TBC1D24: variants seen among roughly 807,000 people sequenced by gnomAD.
TBC1D24 encodes TBC1 domain family member 24.
TBC1D24 carries 47 observed loss-of-function variants against 50.7 expected under a neutral mutation model. The observed-to-expected ratio is 0.93, with a 90% confidence interval of 0.73 to 1.18. The LOEUF (loss-of-function observed/expected upper bound fraction) is 1.18, where lower values mean the gene tolerates loss of function less well. TBC1D24 is among the 50% of genes most tolerant of loss of function. The probability of loss-of-function intolerance (pLI) is 0.00; values close to 1 mark genes in which losing one functional copy is unlikely to be tolerated. For synonymous variants in TBC1D24, 324 were observed against 335.2 expected (o/e 0.97, Z 0.36); for missense variants, 688 against 766.5 (o/e 0.90, Z 1.21).
chr16:2,500,164 T>A lies in TBC1D24; in HGVS notation c.1303-104T>A. ...GCCCCTGGCTCGGGCTGCACCCACC[T>A]TGGGCTCTGGGTGCAGATTCACGGG... On this transcript the variant is annotated intron_variant, in intron 6 of 7. Coordinates refer to ENST00000646147, the MANE Select transcript of TBC1D24 (RefSeq NM_001199107.2). The surrounding 1 kb of genome is among the most constrained non-coding windows in gnomAD (Gnocchi z 8.0). The A allele has an allele frequency of 8.0e-7, 1 of 1,242,394 alleles. No homozygotes were observed. The highest frequency in any genetic ancestry group is 1.2e-6 in the Non-Finnish European group (1 of 869,262). 77.0% of individuals were successfully genotyped at this position (1,242,394 alleles called of 1,614,324 possible).
intron 1 of TBC1D24, among the ~76,000 whole-genome samples, chr16:2,494,742 T>G (rs2065723462): frequency 6.6e-6 from 1 of 152,072 alleles, no homozygotes; most frequent in African/African-American, 2.4e-5. Context: ...GAACTCTATC[T>G]CTAGCCTCTC....
In TBC1D24 at chr16:2,499,913, G is replaced by A. The variant is rs1274872083; in HGVS notation, c.1285G>A (p.Glu429Lys). The change falls in exon 6 of 8, where the codon GAA (glutamate) becomes AAA (lysine). Residue 429 changes from glutamate (E) to lysine (K), a missense_variant. Physicochemically the swap from Glu to Lys is moderately conservative, Grantham distance 56 (BLOSUM62 1). Coordinates refer to ENST00000646147, the MANE Select transcript of TBC1D24 (RefSeq NM_001199107.2). The surrounding 1 kb of genome is among the most constrained non-coding windows in gnomAD (Gnocchi z 4.0). Reference protein sequence around the residue: ...GGKLGFFGTGECFVFRLQPEV... With the variant: ...GGKLGFFGTGKCFVFRLQPEV... ...CAAACTGGGCTTCTTTGGGACCGGAGAATGCTTTGTGTTTAGGGTGAGTGG... is the reference window on the plus strand; with the variant it reads ...CAAACTGGGCTTCTTTGGGACCGGAAAATGCTTTGTGTTTAGGGTGAGTGG... 6.2e-7 allele frequency: 1 copy of A among 1,614,048 alleles called. No individual in the cohort carries two copies.
Position 2,497,026 on chromosome 16 carries a change from G to C in TBC1D24, c.878G>C (p.Arg293Pro), listed in dbSNP as rs199700840. Residue 293 changes from arginine to proline, a missense_variant, in exon 2 of 8, where the codon CGC becomes CCC. Physicochemically the swap from Arg to Pro is moderately radical, Grantham distance 103. Transcript: ENST00000646147. Reference protein sequence around the residue: ...EKLLEKAFAIRLFSRKEIQLL... With the variant: ...EKLLEKAFAIPLFSRKEIQLL... Reference sequence around the variant, plus strand: ...CTGCTGGAGAAAGCGTTCGCCATCCGCCTCTTCTCCCGCAAGGAGATCCAG... The same window carrying C: ...CTGCTGGAGAAAGCGTTCGCCATCCCCCTCTTCTCCCGCAAGGAGATCCAG... 2.5e-6 allele frequency: 4 copies of C among 1,613,638 alleles called. No homozygotes were observed. In the South Asian group the frequency reaches 4.4e-5, roughly 18 times the overall value.
chr16:2,481,236 T>C (rs918104727), intron 1 of TBC1D24: 2 of 152,238 alleles, frequency 1.3e-5, no homozygotes, highest in Non-Finnish European at 2.9e-5. Context: ...GGGAAGCATG[T>C]CTTGAATGCC....
chr16:2,498,431 C>G, intron 4 of TBC1D24, 35 bp downstream of exon 4: 1 of 1,573,092 alleles, frequency 6.4e-7, no homozygotes, highest in Admixed American at 1.8e-5. Context: ...GGCGGCAGAG[C>G]CGCCCAGCCA....
Position 2,498,438 on chromosome 16 carries a change from G to T in TBC1D24, c.1142+42G>T, listed in dbSNP as rs767143269. The T allele has an allele frequency of 3.8e-6, 6 of 1,561,148 alleles. No homozygotes were observed. In the East Asian group the frequency reaches 1.2e-4, roughly 30 times the overall value. ...CCAGAGCGGGCGGCAGAGCCGCCCA[G>T]CCACGTGTCCTGCCCACAGAGGCTG... On this transcript the variant is annotated intron_variant, in intron 4 of 7. Coordinates refer to ENST00000646147, the MANE Select transcript of TBC1D24 (RefSeq NM_001199107.2).
intron 1 of TBC1D24, among the ~76,000 whole-genome samples, chr16:2,493,307 T>A (rs2065711666): frequency 1.3e-5 from 2 of 151,648 alleles, no homozygotes; most frequent in African/African-American, 4.8e-5. Context: ...CCCGGCTAGT[T>A]TTTTTGTATT....
intron 1 of TBC1D24, among the ~76,000 whole-genome samples, chr16:2,490,854 T>G (rs577173262): frequency 6.6e-6 from 1 of 152,304 alleles, no homozygotes; most frequent in East Asian, 1.9e-4. Flanking sequence ...GGCCACCGCC[T>G]CCGGCTCTGC....
intron 1 of TBC1D24, chr16:2,479,750 G>A (rs978257192): frequency 2.6e-5 from 4 of 152,290 alleles, no homozygotes; most frequent in Non-Finnish European, 4.4e-5. Context: ...CATGGCCTCC[G>A]AGGACTGTGC....
chr16:2,499,845 C>T lies in TBC1D24; in HGVS notation c.1217C>T (p.Ala406Val). Residue 406 changes from alanine (A) to valine (V), a missense_variant, in exon 6 of 8, where the codon GCT becomes GTT. Physicochemically the swap from Ala to Val is moderately conservative, Grantham distance 64 (BLOSUM62 0). Coordinates refer to ENST00000646147, the MANE Select transcript of TBC1D24 (RefSeq NM_001199107.2). The surrounding 1 kb of genome is among the most constrained non-coding windows in gnomAD (Gnocchi z 4.0). The part of the protein sequence containing the change: ...IKTTQKEVCG[A>V]YLSTDWSERN... ...AGACCTTTCCCCCAGGTGTGTGGTG[C>T]TTACCTGTCCACAGACTGGAGTGAG... The T allele has an allele frequency of 6.2e-7, 1 of 1,614,002 alleles. No homozygotes were observed. Among genetic ancestry groups the T allele is most frequent in the South Asian group, 1.1e-5 (1 of 91,078 alleles).
At position 2,500,615 on chromosome 16, in the gene TBC1D24, A is replaced by T; in HGVS notation, c.1525+125A>T. 7.7e-7 allele frequency: 1 copy of T among 1,295,134 alleles called. No homozygotes were observed. The highest frequency in any genetic ancestry group is 1.1e-6 in the Non-Finnish European group (1 of 949,566). The allele number at this position is 1,295,134 out of a possible 1,614,324, so 80.2% of individuals were successfully genotyped here. ...CCCTGGGTGTCAGGGTGGACCAGGC[A>T]TGATGGGTGGGAGGGGGCTGGAAGG... On this transcript the variant is annotated intron_variant, in intron 7 of 7. Transcript: ENST00000646147. The surrounding 1 kb of genome is among the most constrained non-coding windows in gnomAD (Gnocchi z 8.0).
In TBC1D24 at chr16:2,499,701, G is replaced by A. The variant is rs1181492556; in HGVS notation, c.1207-134G>A. 1.2e-6 allele frequency: 1 copy of A among 860,212 alleles called. No individual in the cohort carries two copies. The highest frequency in any genetic ancestry group is 2.4e-5 in the East Asian group (1 of 40,884). The allele number at this position is 860,212 out of a possible 1,614,324, so 53.3% of individuals were successfully genotyped here. On this transcript the variant is annotated intron_variant, in intron 5 of 7. Transcript: ENST00000646147. This position sits in a 1 kb window ranked among gnomAD's most constrained non-coding sequence, Gnocchi z 4.0. ...ACACTGCCTTTCCCACACCACTCCT[G>A]CCCTGGGGTGGGGGTGGGAGACGGC...
rs1255326972 is a variant in TBC1D24, at chr16:2,487,964, G to A, written c.-115-8070G>A. On this transcript the variant is annotated intron_variant, in intron 1 of 7. Coordinates refer to ENST00000646147, the MANE Select transcript of TBC1D24 (RefSeq NM_001199107.2). The surrounding 1 kb of genome is among the most constrained non-coding windows in gnomAD (Gnocchi z 4.1). ...CTGTGGGGTTGTGTTCCGCCCCGAG[G>A]CTGGGGTGAGCTGCTTGTCTGCTGG... 3.3e-5 allele frequency among the ~76,000 whole-genome samples: 5 copies of A among 152,238 alleles called. No homozygotes were observed. Among genetic ancestry groups the A allele is most frequent in the African/African-American group, 9.6e-5 (4 of 41,460 alleles).
Position 2,500,611 on chromosome 16 carries a change from A to G in TBC1D24, c.1525+121A>G, listed in dbSNP as rs1172732271. The G allele has an allele frequency of 7.7e-6, 10 of 1,299,358 alleles. No homozygotes were observed. In the Admixed American group the frequency reaches 1.8e-4, roughly 23 times the overall value. The allele number at this position is 1,299,358 out of a possible 1,614,324, so 80.5% of individuals were successfully genotyped here. A position where few individuals can be genotyped will look rare whatever the true frequency, so the allele number is the denominator to read the frequency against. Reference sequence around the variant, plus strand: ...GAGGCCCTGGGTGTCAGGGTGGACCAGGCATGATGGGTGGGAGGGGGCTGG... The same window carrying G: ...GAGGCCCTGGGTGTCAGGGTGGACCGGGCATGATGGGTGGGAGGGGGCTGG... On this transcript the variant is annotated intron_variant, in intron 7 of 7. Coordinates refer to ENST00000646147, the MANE Select transcript of TBC1D24 (RefSeq NM_001199107.2). This position sits in a 1 kb window ranked among gnomAD's most constrained non-coding sequence, Gnocchi z 8.0.
In TBC1D24 at chr16:2,487,045, T is replaced by C. The variant is rs2065656090; in HGVS notation, c.-115-8989T>C. Among the ~76,000 whole-genome samples the C allele has an allele frequency of 6.6e-6, 1 of 152,202 alleles. No homozygotes were observed. Among genetic ancestry groups the C allele is most frequent in the Non-Finnish European group, 1.5e-5 (1 of 68,034 alleles). On this transcript the variant is annotated intron_variant, in intron 1 of 7. Transcript: ENST00000646147. The surrounding 1 kb of genome is among the most constrained non-coding windows in gnomAD (Gnocchi z 4.1). ...ATCTGATCGGGTCACCTGCCTAGAC[T>C]TTCCTCCTACCCCGTGTGGGGACAC...
Position 2,500,944 on chromosome 16 carries a change from C to G in TBC1D24, c.1666C>G (p.Pro556Ala), listed in dbSNP as rs886051846. The change falls in exon 8 of 8, where the codon CCT becomes GCT. Residue 556 changes from proline (P) to alanine (A), a missense_variant. Coordinates refer to ENST00000646147, the MANE Select transcript of TBC1D24 (RefSeq NM_001199107.2). The surrounding 1 kb of genome is among the most constrained non-coding windows in gnomAD (Gnocchi z 8.0). ...CGTGGAGGCCTGGGGCTTCCAGGAC[C>G]CTGACACCCAGTGACGGCCTGTGCC... is the stretch of plus-strand genomic sequence containing the variant. ...AAVEAWGFQDPDTQ is the reference protein window; with the variant it reads ...AAVEAWGFQDADTQ 6.2e-7 allele frequency: 1 copy of G among 1,611,484 alleles called. No individual in the cohort carries two copies. The highest frequency in any genetic ancestry group is 8.5e-7 in the Non-Finnish European group (1 of 1,179,918).
intron 1 of TBC1D24, among the ~76,000 whole-genome samples, chr16:2,492,868 G>A (rs997975779): frequency 2.0e-5 from 3 of 152,072 alleles, no homozygotes; most frequent in East Asian, 1.9e-4. Context: ...TGAGGCGGGC[G>A]GATCACCTGA....
rs2065614123 is a variant in TBC1D24, at chr16:2,482,048, G to C, written c.-116+6878G>C. On this transcript the variant is annotated intron_variant, in intron 1 of 7. Coordinates refer to ENST00000646147, the MANE Select transcript of TBC1D24 (RefSeq NM_001199107.2). This position sits in a 1 kb window ranked among gnomAD's most constrained non-coding sequence, Gnocchi z 5.2. ...ATGCCTGTGCTCTGCTTCAGGCTGA[G>C]GCAGGCACCCCTTACCTTCCTGTTA... The C allele has an allele frequency of 6.6e-6, 1 of 152,272 alleles. No homozygotes were observed. Among genetic ancestry groups the C allele is most frequent in the African/African-American group, 2.4e-5 (1 of 41,474 alleles). 9.4% of individuals were successfully genotyped at this position (152,272 alleles called of 1,614,324 possible). A position where few individuals can be genotyped will look rare whatever the true frequency, so the allele number is the denominator to read the frequency against.
chr16:2,500,063 G>C lies in TBC1D24; in HGVS notation c.1302+133G>C. On this transcript the variant is annotated intron_variant, in intron 6 of 7. Coordinates refer to ENST00000646147, the MANE Select transcript of TBC1D24 (RefSeq NM_001199107.2). This position sits in a 1 kb window ranked among gnomAD's most constrained non-coding sequence, Gnocchi z 8.0. ...ACCCAGCAGCGTCATCGCCCTGTGT[G>C]CTTCCGGGTTTGATCATTCAGCCGT... 1 of 987,368 alleles carries C rather than the reference G, an allele frequency of 1.0e-6. No individual in the cohort carries two copies. 61.2% of individuals were successfully genotyped at this position (987,368 alleles called of 1,614,324 possible).
Sources: allele counts gnomAD v4.1 joint callset (sites outside exome capture counted in the v4.1 genomes callset), GRCh38; gene constraint gnomAD v4.1.1; non-coding constraint Gnocchi (gnomAD v3.1); transcripts MANE v1.5; gene names NCBI Gene and HGNC (gene_info 2026-07-23, HGNC 2026-07-21).